LHFPL3: variants seen among roughly 807,000 people sequenced by gnomAD.
LHFPL3 encodes the protein LHFPL tetraspan subfamily member 3 protein.
LHFPL3 carries 5 observed loss-of-function variants against 19.3 expected under a neutral mutation model. That is an observed-to-expected ratio of 0.26 (90% CI 0.14 to 0.54). LHFPL3 has a LOEUF of 0.54. Among genes scored for constraint, LHFPL3 ranks in the 20% least tolerant of loss-of-function variants. The probability of loss-of-function intolerance (pLI) is 0.94; values close to 1 mark genes in which losing one functional copy is unlikely to be tolerated. For missense variants in LHFPL3, 249 were observed against 307.4 expected, an observed-to-expected ratio of 0.81 and a Z score of 1.42; for synonymous variants, 133 against 126.2, an observed-to-expected ratio of 1.05 and a Z score of -0.36.
chr7:104,346,922 A>G (rs1231256694), intron 1 of LHFPL3, among the ~76,000 whole-genome samples: 2 of 147,644 alleles, frequency 1.4e-5, no homozygotes, highest in Admixed American at 6.9e-5. Context: ...CCATTATACC[A>G]TACTAGATAA....
chr7:104,617,986 C>T (rs1791379903), intron 1 of LHFPL3, among the ~76,000 whole-genome samples: 2 of 152,218 alleles, frequency 1.3e-5, no homozygotes, highest in Admixed American at 1.3e-4. Context: ...AAGTCAATTA[C>T]AGACTAGTTG....
chr7:104,412,319 G>A (rs577325604), intron 1 of LHFPL3, among the ~76,000 whole-genome samples: 61 of 152,214 alleles, frequency 4.0e-4, no homozygotes, highest in African/African-American at 1.4e-3. Context: ...TGCAGCCCAT[G>A]GGTCGGGGAG....
At chr7:104,903,639 T>A (rs753014657) in intron 2 of LHFPL3, among the ~76,000 whole-genome samples, 3 of 152,098 alleles carry the variant, frequency 2.0e-5, no homozygotes, top group Non-Finnish European at 4.4e-5. Context: ...CTAATTTTTG[T>A]ATTTTTAGTA....
intron 1 of LHFPL3, among the ~76,000 whole-genome samples, chr7:104,513,565 G>T (rs1793862766): frequency 6.6e-6 from 1 of 152,148 alleles, no homozygotes; most frequent in Non-Finnish European, 1.5e-5. Flanking sequence ...TAACATAGGG[G>T]AGATCCCCAT....
At chr7:104,354,984 C>T (rs1435025648) in intron 1 of LHFPL3, among the ~76,000 whole-genome samples, 2 of 152,178 alleles carry the variant, frequency 1.3e-5, no homozygotes, top group African/African-American at 4.8e-5. Flanking sequence ...AAGCAAATCT[C>T]AATTTGGATG....
chr7:104,413,836 C>T (rs768780238), intron 1 of LHFPL3, among the ~76,000 whole-genome samples: 2 of 152,148 alleles, frequency 1.3e-5, no homozygotes, highest in African/African-American at 2.4e-5. Context: ...TCCCATAAGG[C>T]GAAGCTTCTT....
At chr7:104,647,949 C>T (rs934478577) in intron 1 of LHFPL3, among the ~76,000 whole-genome samples, 1 of 152,146 alleles carries the variant, frequency 6.6e-6, no homozygotes, top group Non-Finnish European at 1.5e-5. Context: ...GTGGATGGTA[C>T]TGAAATAAAC....
intron 1 of LHFPL3, among the ~76,000 whole-genome samples, chr7:104,502,864 G>T (rs984859554): frequency 6.6e-6 from 1 of 151,978 alleles, no homozygotes; most frequent in African/African-American, 2.4e-5. Flanking sequence ...TAGTTTTCAG[G>T]GTATTAGCTT....
intron 1 of LHFPL3, among the ~76,000 whole-genome samples, chr7:104,509,821 G>C (rs1793776326): frequency 6.6e-6 from 1 of 152,026 alleles, no homozygotes; most frequent in South Asian, 2.1e-4. Context: ...TTTAGAGGAT[G>C]TGACGATCTA....
At chr7:104,545,240 A>G (rs1052612507) in intron 1 of LHFPL3, among the ~76,000 whole-genome samples, 3 of 152,160 alleles carry the variant, frequency 2.0e-5, no homozygotes, top group African/African-American at 7.2e-5. Context: ...ATATCACTGA[A>G]GACAGGAAGG....
At chr7:104,725,987 G>A (rs956472784) in intron 1 of LHFPL3, among the ~76,000 whole-genome samples, 7 of 141,964 alleles carry the variant, frequency 4.9e-5, no homozygotes, top group Non-Finnish European at 9.0e-5. Flanking sequence ...GGGAGGTAGA[G>A]GTTGCAGTGA....
chr7:104,721,908 A>G (rs1793499284), intron 1 of LHFPL3, among the ~76,000 whole-genome samples: 1 of 152,156 alleles, frequency 6.6e-6, no homozygotes. Flanking sequence ...GTGTATTATT[A>G]TTATTAACTA....
At chr7:104,823,107 A>G (rs539348068) in intron 2 of LHFPL3, among the ~76,000 whole-genome samples, 1 of 152,326 alleles carries the variant, frequency 6.6e-6, no homozygotes. Flanking sequence ...CGTGTATGCT[A>G]TGGAACACAG....
At chr7:104,766,363 A>T (rs192527517) in intron 2 of LHFPL3, among the ~76,000 whole-genome samples, 57 of 152,336 alleles carry the variant, frequency 3.7e-4, no homozygotes, top group Non-Finnish European at 1.2e-4. Context: ...AAGTCCAGCC[A>T]CTAGGGACAT....
chr7:104,732,405 T>C (rs1793722062), intron 1 of LHFPL3, among the ~76,000 whole-genome samples: 1 of 152,216 alleles, frequency 6.6e-6, no homozygotes, highest in Non-Finnish European at 1.5e-5. Context: ...TGACAGAGCC[T>C]GTTATTGGTC....
chr7:104,833,439 C>T (rs1791034884), intron 2 of LHFPL3, among the ~76,000 whole-genome samples: 1 of 55,358 alleles, frequency 1.8e-5, no homozygotes, highest in African/African-American at 7.4e-5. Context: ...ATATATGCTC[C>T]TCAAGCTTGC....
At chr7:104,657,585 T>C (rs1323792439) in intron 1 of LHFPL3, among the ~76,000 whole-genome samples, 1 of 152,232 alleles carries the variant, frequency 6.6e-6, no homozygotes, top group African/African-American at 2.4e-5. Flanking sequence ...ATTAGAGAAA[T>C]TGAGGATTGT....
chr7:104,692,599 C>T (rs778957109), intron 1 of LHFPL3, among the ~76,000 whole-genome samples: 20 of 152,234 alleles, frequency 1.3e-4, no homozygotes, highest in Non-Finnish European at 2.1e-4. Flanking sequence ...AAAGGGCCAA[C>T]GTACAGCTCA....
At chr7:104,852,961 A>G (rs562710866) in intron 2 of LHFPL3, among the ~76,000 whole-genome samples, 1 of 151,978 alleles carries the variant, frequency 6.6e-6, no homozygotes, top group Non-Finnish European at 1.5e-5. Context: ...GTGCCTGCCC[A>G]GTAACCACTG....
Sources: gnomAD v4.1 joint callset for allele counts (sites outside exome capture counted in the v4.1 genomes callset) on GRCh38, gnomAD v4.1.1 for gene constraint, MANE v1.5 for transcripts, NCBI Gene and HGNC (gene_info 2026-07-23, HGNC 2026-07-21) for gene names.